The following GABRB3 variants were observed in gnomAD, a reference collection of about 807,000 sequenced individuals.
GABRB3 encodes gamma-aminobutyric acid type A receptor subunit beta3.
GABRB3 carries 14 observed loss-of-function variants against 52.1 expected under a neutral mutation model. The ratio of observed to expected loss-of-function variants is 0.27; its 90% confidence interval spans 0.18 to 0.42. GABRB3 has a LOEUF of 0.42. Among genes scored for constraint, GABRB3 ranks in the 10% least tolerant of loss-of-function variants. The pLI is 1.00. For missense variants in GABRB3, 307 were observed against 609.1 expected (o/e 0.50, Z 5.22); for synonymous variants, 260 against 232.3 (o/e 1.12, Z -1.08).
chr15:26,611,419 T>A (rs1221978605), intron 4 of GABRB3, among the ~76,000 whole-genome samples: 1 of 152,198 alleles, frequency 6.6e-6, no homozygotes, highest in Non-Finnish European at 1.5e-5. Flanking sequence ...TCTTAGGTTT[T>A]CACAAAATTT....
At position 26,574,046 on chromosome 15, in the gene GABRB3, G is replaced by A. The variant is rs183140902; in HGVS notation, c.682+6273C>T. Among the ~76,000 whole-genome samples the A allele has an allele frequency of 2.7e-3, 418 of 152,260 alleles. 5 individuals carry two copies. The highest frequency in any genetic ancestry group is 9.6e-3 in the African/African-American group (399 of 41,544). ...AGCCCGGGCGACAGACTAAGACCCT[G>A]TCTCAAAGAAAAGAATGCTTATAAA... On this transcript the variant is annotated intron_variant, in intron 6 of 8. Transcript: ENST00000311550.
At chr15:26,701,272 A>C (rs368039647) in intron 3 of GABRB3, among the ~76,000 whole-genome samples, 2 of 152,294 alleles carry the variant, frequency 1.3e-5, no homozygotes, top group East Asian at 3.9e-4. Flanking sequence ...GGGGGAAAAA[A>C]ATAGAGAGAA....
At chr15:26,692,123 C>T (rs566497413) in intron 3 of GABRB3, among the ~76,000 whole-genome samples, 14 of 152,294 alleles carry the variant, frequency 9.2e-5, no homozygotes, top group Non-Finnish European at 1.3e-4. Context: ...TGCTTCAATA[C>T]TTCTCACATT....
intron 3 of GABRB3, among the ~76,000 whole-genome samples, chr15:26,753,816 T>TG (rs989825851): frequency 2.1e-4 from 32 of 152,130 alleles, no homozygotes; most frequent in African/African-American, 7.7e-4. Flanking sequence ...AGCATCTCTG[T>TG]GAGAAATACA....
chr15:26,705,627 CCAGA>C (rs1889074901), intron 3 of GABRB3, among the ~76,000 whole-genome samples: 1 of 151,948 alleles, frequency 6.6e-6, no homozygotes, highest in Admixed American at 6.6e-5. Flanking sequence ...AACAAAAAAC[CCAGA>C]CAAACAAGAG....
At chr15:26,714,472 T>G (rs1022888298) in intron 3 of GABRB3, among the ~76,000 whole-genome samples, 1 of 152,150 alleles carries the variant, frequency 6.6e-6, no homozygotes, top group Non-Finnish European at 1.5e-5. Context: ...AATCAATGTA[T>G]GTAAGATGAG....
At chr15:26,675,714 C>T (rs577760938) in intron 3 of GABRB3, among the ~76,000 whole-genome samples, 1 of 152,056 alleles carries the variant, frequency 6.6e-6, no homozygotes, top group East Asian at 1.9e-4. Context: ...GGAGGTCAGT[C>T]AATAGCAAAA....
At chr15:26,666,941 C>T (rs1346116168) in intron 3 of GABRB3, among the ~76,000 whole-genome samples, 1 of 152,176 alleles carries the variant, frequency 6.6e-6, no homozygotes, top group Admixed American at 6.5e-5. Context: ...CTGCCTTCTT[C>T]CAGGGAGGCA....
intron 6 of GABRB3, among the ~76,000 whole-genome samples, chr15:26,578,112 C>G (rs1890658894): frequency 6.6e-6 from 1 of 152,166 alleles, no homozygotes; most frequent in African/African-American, 2.4e-5. Flanking sequence ...CGGGAATACT[C>G]TCTCAGGCTA....
In GABRB3 at chr15:26,772,393, G is replaced by C; in HGVS notation, c.240+9C>G. 1 of 1,606,260 alleles carries C rather than the reference G, an allele frequency of 6.2e-7. No homozygotes were observed. The highest frequency in any genetic ancestry group is 8.5e-7 in the Non-Finnish European group (1 of 1,176,364). ...GCTCAGGGACCGCCCTGGGAGGGCG[G>C]GCACTCACCATGTTGACTTCGGAAA... On this transcript the variant is annotated intron_variant, in intron 3 of 8. Coordinates refer to ENST00000311550, the MANE Select transcript of GABRB3 (RefSeq NM_000814.6).
chr15:26,722,449 T>C (rs1889667070), intron 3 of GABRB3, among the ~76,000 whole-genome samples: 2 of 152,190 alleles, frequency 1.3e-5, no homozygotes, highest in South Asian at 2.1e-4. Context: ...GGCACTCAGA[T>C]GGAAAACAAA....
At chr15:26,641,538 A>G (rs1430422991) in intron 3 of GABRB3, among the ~76,000 whole-genome samples, 1 of 152,268 alleles carries the variant, frequency 6.6e-6, no homozygotes, top group African/African-American at 2.4e-5. Flanking sequence ...TCTTGGTTAG[A>G]ATGAAGGTTT....
chr15:26,570,212 T>C (rs375057825), intron 6 of GABRB3, among the ~76,000 whole-genome samples: 7 of 152,256 alleles, frequency 4.6e-5, no homozygotes, highest in Admixed American at 2.6e-4. Flanking sequence ...GGCAATTATT[T>C]CAGAGTTTGA....
In GABRB3 at chr15:26,765,805, GA is replaced by G. The variant is rs537329167; in HGVS notation, c.240+6596del. Among the ~76,000 whole-genome samples the G allele has an allele frequency of 2.0e-3, 303 of 152,306 alleles. 1 individual carries two copies. Among genetic ancestry groups the G allele is most frequent in the African/African-American group, 6.4e-3 (266 of 41,574 alleles). On this transcript the variant is annotated intron_variant, in intron 3 of 8. Transcript: ENST00000311550. ...AAGTTTTCACAGAAATGCAGAATGG[GA>G]AATGTCTAATTTAGATAGCAGTGAA... is the stretch of plus-strand genomic sequence containing the variant.
chr15:26,549,335 G>A (rs556118394), intron 8 of GABRB3, among the ~76,000 whole-genome samples: 6 of 152,252 alleles, frequency 3.9e-5, no homozygotes, highest in South Asian at 2.1e-4. Flanking sequence ...TAAGACCGCC[G>A]GTGGGATGGC....
At chr15:26,676,655 GCATACATACAC>G (rs1236848008) in intron 3 of GABRB3, among the ~76,000 whole-genome samples, 1 of 152,070 alleles carries the variant, frequency 6.6e-6, no homozygotes, top group Non-Finnish European at 1.5e-5. Context: ...AGTTTCTTAG[GCATACATACAC>G]TCCTAAATTC....
At chr15:26,713,641 A>T (rs1889373931) in intron 3 of GABRB3, among the ~76,000 whole-genome samples, 2 of 152,220 alleles carry the variant, frequency 1.3e-5, no homozygotes, top group Non-Finnish European at 2.9e-5. Context: ...TGGACAGGCA[A>T]TGCTGGCACA....
At chr15:26,627,578 A>T (rs1892754097) in intron 3 of GABRB3, among the ~76,000 whole-genome samples, 1 of 151,878 alleles carries the variant, frequency 6.6e-6, no homozygotes, top group South Asian at 2.1e-4. Context: ...GCCCTCATGG[A>T]TGACTTTGAG....
At chr15:26,559,412 C>A (rs568959061) in intron 8 of GABRB3, among the ~76,000 whole-genome samples, 2 of 152,154 alleles carry the variant, frequency 1.3e-5, no homozygotes, top group Admixed American at 1.3e-4. Context: ...GAACTGTGAA[C>A]CAATTAAACC....
Sources: gnomAD v4.1 joint callset for allele counts (sites outside exome capture counted in the v4.1 genomes callset) on GRCh38, gnomAD v4.1.1 for gene constraint, MANE v1.5 for transcripts, NCBI Gene and HGNC (gene_info 2026-07-23, HGNC 2026-07-21) for gene names.